CCDC7: variants seen among roughly 807,000 people sequenced by gnomAD.
CCDC7 encodes the protein coiled-coil domain-containing protein 7.
CCDC7 carries 183 observed loss-of-function variants against 196.9 expected under a neutral mutation model. That is an observed-to-expected ratio of 0.93 (90% CI 0.82 to 1.05). The LOEUF is 1.05. Ranked by LOEUF, CCDC7 falls within the 50% of genes least tolerant of loss-of-function variation. The probability of loss-of-function intolerance (pLI) is 0.00; values close to 1 mark genes in which losing one functional copy is unlikely to be tolerated. For synonymous variants in CCDC7, 525 were observed against 484.6 expected (o/e 1.08, Z -1.10); for missense variants, 1,540 against 1,482.2 (o/e 1.04, Z -0.64).
intron 13 of CCDC7, among the ~76,000 whole-genome samples, chr10:32,550,588 C>T (rs561226653): frequency 1.1e-3 from 172 of 151,888 alleles, no homozygotes; most frequent in Middle Eastern, 3.4e-3. Flanking sequence ...CCTTGTATGC[C>T]GTTTTGCTGA....
At chr10:32,711,445 A>G (rs899699473) in intron 24 of CCDC7, among the ~76,000 whole-genome samples, 175 bp from the exon 26 acceptor site, 1 of 152,176 alleles carries the variant, frequency 6.6e-6, no homozygotes, top group African/African-American at 2.4e-5. Context: ...TACATCTTCA[A>G]CATACATTGA....
At chr10:32,728,843 A>G in intron 26 of CCDC7, 44 bp from the exon 28 acceptor site, 3 of 1,102,884 alleles carry the variant, frequency 2.7e-6, no homozygotes, top group Middle Eastern at 2.3e-4. Flanking sequence ...ACATTCATAG[A>G]TTTATGTTTC....
At chr10:32,669,612 G>C (rs1330988217) in intron 21 of CCDC7, among the ~76,000 whole-genome samples, 1 of 151,964 alleles carries the variant, frequency 6.6e-6, no homozygotes, top group Non-Finnish European at 1.5e-5. Flanking sequence ...GTCATGGTAG[G>C]TTGCATGTGT....
intron 9 of CCDC7, 122 bp downstream of exon 10, chr10:32,492,119 T>C: frequency 1.1e-6 from 1 of 947,724 alleles, no homozygotes; most frequent in Non-Finnish European, 1.4e-6. Context: ...ATTGCAGAAA[T>C]ATTGAAAACA....
intron 8 of CCDC7, among the ~76,000 whole-genome samples, chr10:32,475,492 C>T (rs2038802343): frequency 6.6e-6 from 1 of 152,188 alleles, no homozygotes; most frequent in Non-Finnish European, 1.5e-5. Flanking sequence ...ATACATCTTC[C>T]AATCATAAAA....
chr10:32,666,083 A>T (rs1274981868), intron 21 of CCDC7, among the ~76,000 whole-genome samples: 1 of 149,896 alleles, frequency 6.7e-6, no homozygotes, highest in Admixed American at 6.7e-5. Context: ...CATTTGGTCT[A>T]ATAGTTTTTT....
chr10:32,803,869 C>T (rs2085299347), intron 29 of CCDC7, among the ~76,000 whole-genome samples: 1 of 152,082 alleles, frequency 6.6e-6, no homozygotes, highest in Non-Finnish European at 1.5e-5. Flanking sequence ...GTGTGTCCCT[C>T]TTCCAGTATG....
intron 25 of CCDC7, among the ~76,000 whole-genome samples, chr10:32,721,109 G>A (rs1385013254): frequency 1.3e-5 from 2 of 151,814 alleles, no homozygotes; most frequent in Non-Finnish European, 1.5e-5. Flanking sequence ...AAAAAAAAAA[G>A]ATATTTTATA....
At chr10:32,562,070 C>T (rs988923596) in intron 13 of CCDC7, among the ~76,000 whole-genome samples, 1 of 152,136 alleles carries the variant, frequency 6.6e-6, no homozygotes, top group Non-Finnish European at 1.5e-5. Context: ...ATAAGTTCCT[C>T]GACACATACA....
At position 32,680,304 on chromosome 10, in the gene CCDC7, A is replaced by G. The variant is rs1384109583; in HGVS notation, c.2123-5666A>G. Among the ~76,000 whole-genome samples the G allele has an allele frequency of 3.3e-5, 5 of 152,162 alleles. No homozygotes were observed. In the East Asian group the frequency reaches 9.6e-4, roughly 29 times the overall value. On this transcript the variant is annotated intron_variant, in intron 21 of 41. Coordinates refer to ENST00000639629, the Ensembl canonical transcript of CCDC7. The stretch of plus-strand genomic sequence containing the variant: ...ATAATAAGGAAATAAGCCTTCCATG[A>G]GGCCTTGGATAAGTCAGTGGGGTTG...
chr10:32,488,590 G>T (rs1490649411), intron 8 of CCDC7, among the ~76,000 whole-genome samples: 1 of 152,204 alleles, frequency 6.6e-6, no homozygotes, highest in Non-Finnish European at 1.5e-5. Context: ...GCTGGGAGCT[G>T]TAGACTGGAG....
intron 16 of CCDC7, among the ~76,000 whole-genome samples, chr10:32,581,425 ACTC>A (rs2058720855): frequency 6.7e-6 from 1 of 149,504 alleles, no homozygotes; most frequent in Non-Finnish European, 1.5e-5. Context: ...TCCTCCTTCA[ACTC>A]CTCCTCTTCC....
chr10:32,823,393 GC>G (rs1443173680), intron 31 of CCDC7, among the ~76,000 whole-genome samples: 1 of 152,048 alleles, frequency 6.6e-6, no homozygotes, highest in Non-Finnish European at 1.5e-5. Flanking sequence ...GCCCACCTCG[GC>G]CTCCCAAAGT....
chr10:32,569,762 A>C (rs1044261214), intron 15 of CCDC7, among the ~76,000 whole-genome samples: 8 of 152,154 alleles, frequency 5.3e-5, no homozygotes, highest in Non-Finnish European at 1.2e-4. Context: ...TTGTCCTCTT[A>C]GCAGCATTTA....
At chr10:32,493,900 T>A (rs1290648971) in intron 9 of CCDC7, among the ~76,000 whole-genome samples, 1 of 152,180 alleles carries the variant, frequency 6.6e-6, no homozygotes, top group African/African-American at 2.4e-5. Flanking sequence ...TTTGTTTTCT[T>A]GTAGTTGAGT....
intron 32 of CCDC7, among the ~76,000 whole-genome samples, chr10:32,827,265 T>G (rs1593190891): frequency 6.6e-6 from 1 of 152,298 alleles, no homozygotes; most frequent in Non-Finnish European, 1.5e-5. Context: ...CTATGGCCAC[T>G]GCTGAGTGCC....
intron 11 of CCDC7, among the ~76,000 whole-genome samples, chr10:32,540,866 T>C (rs1040291389): frequency 1.3e-5 from 2 of 152,182 alleles, no homozygotes; most frequent in African/African-American, 4.8e-5. Context: ...TATCTTCTTA[T>C]GTAATACCTT....
intron 18 of CCDC7, among the ~76,000 whole-genome samples, chr10:32,596,952 A>T (rs948015163): frequency 2.6e-5 from 4 of 152,066 alleles, no homozygotes; most frequent in African/African-American, 9.7e-5. Flanking sequence ...GCTGCCCTTA[A>T]CATTTTTTTG....
At chr10:32,518,062 A>G (rs1187170090) in intron 10 of CCDC7, 87 bp downstream of exon 11, 3 of 1,416,700 alleles carry the variant, frequency 2.1e-6, no homozygotes, top group Non-Finnish European at 2.8e-6. Context: ...ATAATCCTAT[A>G]TAAAGATCCA....
Sources: gnomAD v4.1 joint callset for allele counts (sites outside exome capture counted in the v4.1 genomes callset) on GRCh38, gnomAD v4.1.1 for gene constraint, MANE v1.5 for transcripts, NCBI Gene and HGNC (gene_info 2026-07-23, HGNC 2026-07-21) for gene names.